The following ARMC3 variants were observed in gnomAD, a reference collection of about 807,000 sequenced individuals.
The protein encoded by ARMC3 is armadillo repeat containing 3, also known as armadillo repeat-containing protein 3.
ARMC3 carries 74 observed loss-of-function variants against 90.3 expected under a neutral mutation model. The ratio of observed to expected loss-of-function variants is 0.82; its 90% CI spans 0.68 to 0.99. The LOEUF (loss-of-function observed/expected upper bound fraction) is 0.99. Ranked by LOEUF, ARMC3 falls within the 50% of genes least tolerant of loss-of-function variation. The pLI is 0.00. For synonymous variants in ARMC3, 334 were observed against 361.8 expected (o/e 0.92, Z 0.87); for missense variants, 958 against 1,042.8 (o/e 0.92, Z 1.12).
intron 8 of ARMC3, among the ~76,000 whole-genome samples, chr10:22,980,743 A>C (rs1836149591): frequency 6.6e-6 from 1 of 152,172 alleles, no homozygotes; most frequent in South Asian, 2.1e-4. Flanking sequence ...AACTTTATTT[A>C]ATTAAATAAT....
At chr10:23,028,730 C>G (rs1423203447) in intron 16 of ARMC3, among the ~76,000 whole-genome samples, 6 of 152,164 alleles carry the variant, frequency 3.9e-5, no homozygotes, top group Non-Finnish European at 7.3e-5. Flanking sequence ...TGTATGCCAA[C>G]CAGTATCCAC....
At chr10:23,034,247 T>C (rs1564409130) in intron 18 of ARMC3, among the ~76,000 whole-genome samples, 1 of 152,114 alleles carries the variant, frequency 6.6e-6, no homozygotes, top group Non-Finnish European at 1.5e-5. Flanking sequence ...CTTAGCTATT[T>C]TCCCCTTTAA....
intron 4 of ARMC3, among the ~76,000 whole-genome samples, chr10:22,957,766 CTG>C (rs1835009410): frequency 6.6e-6 from 1 of 152,126 alleles, no homozygotes; most frequent in Non-Finnish European, 1.5e-5. Flanking sequence ...CAAGGATTAT[CTG>C]TGTAACAATT....
intron 8 of ARMC3, among the ~76,000 whole-genome samples, chr10:22,978,187 T>A (rs1465360150): frequency 6.6e-6 from 1 of 152,226 alleles, no homozygotes; most frequent in East Asian, 1.9e-4. Context: ...CTTGTTGTAT[T>A]AGTCTGTTCT....
intron 12 of ARMC3, among the ~76,000 whole-genome samples, chr10:23,002,681 A>G (rs1390830049): frequency 6.7e-6 from 1 of 150,328 alleles, no homozygotes; most frequent in Admixed American, 6.6e-5. Flanking sequence ...GCTCACTGCA[A>G]CCTCTGCCCC....
intron 3 of ARMC3, among the ~76,000 whole-genome samples, chr10:22,951,325 A>C (rs1268876256): frequency 6.6e-6 from 1 of 152,242 alleles, no homozygotes; most frequent in African/African-American, 2.4e-5. Context: ...TCCACAATTA[A>C]AGCTGGAGAT....
At position 22,962,027 on chromosome 10, in the gene ARMC3, G is replaced by A. The variant is rs765304042; in HGVS notation, c.681G>A (p.Met227Ile). 6.2e-7 allele frequency: 1 copy of A among 1,605,044 alleles called. No homozygotes were observed. Among genetic ancestry groups the A allele is most frequent in the African/African-American group, 1.3e-5 (1 of 74,404 alleles). The stretch of plus-strand genomic sequence containing the variant: ...CAAATGATAAGGAGTCTCGAACAAT[G>A]CTAAGAGACAATCAAGGATTGGACC... ...VIANDKESRT[M>I]LRDNQGLDHL... The change falls in exon 7 of 19, where the codon ATG becomes ATA. Residue 227 changes from methionine to isoleucine, a missense_variant. Coordinates refer to ENST00000298032, the MANE Select transcript of ARMC3 (RefSeq NM_173081.5).
At chr10:23,028,428 A>G in intron 16 of ARMC3, among the ~76,000 whole-genome samples, 1 of 152,180 alleles carries the variant, frequency 6.6e-6, no homozygotes, top group African/African-American at 2.4e-5. Context: ...TGTAATCAAC[A>G]TCTGGGTCAT....
chr10:23,014,215 A>G (rs1838163015), intron 16 of ARMC3: 2 of 1,535,620 alleles, frequency 1.3e-6, no homozygotes, highest in East Asian at 4.9e-5. Context: ...GGTCTTCTGA[A>G]TTGTAAATGA....
intron 18 of ARMC3, among the ~76,000 whole-genome samples, chr10:23,033,283 C>T (rs1838992921): frequency 6.6e-6 from 1 of 152,116 alleles, no homozygotes; most frequent in Admixed American, 6.6e-5. Flanking sequence ...AGTGACCATA[C>T]ACCTACTATG....
intron 16 of ARMC3, among the ~76,000 whole-genome samples, chr10:23,010,622 G>C (rs1837925807): frequency 1.1e-5 from 1 of 91,282 alleles, no homozygotes; most frequent in Non-Finnish European, 2.1e-5. Context: ...CCCATTCCCT[G>C]ACCTACCATC....
At chr10:23,028,983 T>C (rs1315248129) in intron 16 of ARMC3, among the ~76,000 whole-genome samples, 2 of 152,192 alleles carry the variant, frequency 1.3e-5, no homozygotes, top group African/African-American at 4.8e-5. Flanking sequence ...TCTACTGCAC[T>C]CTTGACATGA....
chr10:23,019,792 G>A (rs2131532701), intron 16 of ARMC3, among the ~76,000 whole-genome samples: 1 of 152,122 alleles, frequency 6.6e-6, no homozygotes, highest in Admixed American at 6.5e-5. Flanking sequence ...CAATTCGCCT[G>A]CCTCTGCCTC....
chr10:23,037,846 T>C lies in ARMC3; in HGVS notation c.*367T>C, dbSNP rs377352237. 6.5e-5 allele frequency: 11 copies of C among 170,044 alleles called. No individual in the cohort carries two copies. Among genetic ancestry groups the C allele is most frequent in the East Asian group, 6.5e-4 (4 of 6,196 alleles). 10.5% of individuals were successfully genotyped at this position (170,044 alleles called of 1,614,324 possible). Reference sequence around the variant, plus strand: ...GTGGCCTCATGACTGTCATCTTTCATGCCCAGAATGCTTCAGGCATGCTCA... The same window carrying C: ...GTGGCCTCATGACTGTCATCTTTCACGCCCAGAATGCTTCAGGCATGCTCA... On this transcript the variant is annotated 3_prime_UTR_variant, in exon 19 of 19. Coordinates refer to ENST00000298032, the MANE Select transcript of ARMC3 (RefSeq NM_173081.5).
intron 7 of ARMC3, among the ~76,000 whole-genome samples, chr10:22,965,282 G>A (rs1364785491): frequency 6.6e-6 from 1 of 152,158 alleles, no homozygotes; most frequent in Non-Finnish European, 1.5e-5. Flanking sequence ...TTATCTGGAA[G>A]TTGCTTCCTT....
At position 22,981,484 on chromosome 10, in the gene ARMC3, A is replaced by T. The variant is rs772249203; in HGVS notation, c.1061A>T (p.Asn354Ile). 1.9e-6 allele frequency: 3 copies of T among 1,613,774 alleles called. No homozygotes were observed. The highest frequency in any genetic ancestry group is 2.5e-6 in the Non-Finnish European group (3 of 1,179,920). Reference protein sequence around the residue: ...CENSGSKDFFNNQGIPQLIQL... With the variant: ...CENSGSKDFFINQGIPQLIQL... ...AATTCAGGCAGCAAAGATTTTTTCA[A>T]TAATCAGGGTAAGTCAACTGGAAAC... is the stretch of plus-strand genomic sequence containing the variant. Residue 354 changes from asparagine to isoleucine, a missense_variant, in exon 9 of 19, where the codon AAT becomes ATT. Coordinates refer to ENST00000298032, the MANE Select transcript of ARMC3 (RefSeq NM_173081.5).
rs925844672 is a variant in ARMC3 at position 22,951,346 on chromosome 10, C to T, written c.167-4461C>T. On this transcript the variant is annotated intron_variant, in intron 3 of 18. Coordinates refer to ENST00000298032, the MANE Select transcript of ARMC3 (RefSeq NM_173081.5). ...ATTAAAGCTGGAGATTTAAATACTC[C>T]TCTCAATAAATAAAAGAACAAGTGA... Among the ~76,000 whole-genome samples, 9 of 152,100 alleles carry T rather than the reference C, an allele frequency of 5.9e-5. No individual in the cohort carries two copies. In the South Asian group the frequency reaches 1.2e-3, roughly 21 times the overall value.
intron 13 of ARMC3, 56 bp downstream of exon 13, chr10:23,003,470 TCCTGATG>T: frequency 1.5e-6 from 2 of 1,356,838 alleles, no homozygotes; most frequent in Non-Finnish European, 2.0e-6. Context: ...TTTTCTTTAA[TCCTGATG>T]CCATTACATT....
intron 11 of ARMC3, among the ~76,000 whole-genome samples, chr10:23,001,355 C>T (rs1025317535): frequency 6.6e-6 from 1 of 152,186 alleles, no homozygotes; most frequent in Non-Finnish European, 1.5e-5. Flanking sequence ...TTGTGACCCT[C>T]CTTGGATCTT....
Sources: gnomAD v4.1 joint callset for allele counts (sites outside exome capture counted in the v4.1 genomes callset) on GRCh38, gnomAD v4.1.1 for gene constraint, MANE v1.5 for transcripts, NCBI Gene and HGNC (gene_info 2026-07-23, HGNC 2026-07-21) for gene names.